Variants in FBXO47 observed in about 807,000 individuals in gnomAD.
FBXO47 encodes the protein F-box protein 47.
Under a neutral mutation model 53.9 loss-of-function variants are expected in FBXO47, and 34 were observed. The observed-to-expected ratio is 0.63, with a 90% CI of 0.48 to 0.84. The LOEUF (loss-of-function observed/expected upper bound fraction) is 0.84, where lower values mean the gene tolerates loss of function less well. FBXO47 is among the 40% of genes least tolerant of loss of function. The pLI is 0.00. For synonymous variants in FBXO47, 165 were observed against 181.6 expected, an observed-to-expected ratio of 0.91 and a Z score of 0.73; for missense variants, 485 against 541.3, an observed-to-expected ratio of 0.90 and a Z score of 1.03.
At chr17:38,947,107 C>CATATATATATAAACATATATATAAAT (rs1458414258) in intron 6 of FBXO47, among the ~76,000 whole-genome samples, 173 of 90,316 alleles carry the variant, frequency 1.9e-3, no homozygotes, top group African/African-American at 5.5e-3. Context: ...TATATATAAA[C>CATATATATATAAACATATATATAAAT]ATATATATAT....
In FBXO47 at chr17:38,962,901, C is replaced by T. The variant is rs771301473; in HGVS notation, c.125G>A (p.Gly42Glu). ...TTCCAATGGTAAGGCTTTAAAATTT[C>T]CAAATGTTGATATGGGTTGAAAGCC... ...GSGFQPISTF[G>E]NFKALPLEIF... Residue 42 changes from glycine to glutamate, a missense_variant, in exon 2 of 11, where the codon GGA becomes GAA. Coordinates refer to ENST00000378079, the MANE Select transcript of FBXO47 (RefSeq NM_001008777.3). The T allele has an allele frequency of 8.7e-6, 14 of 1,612,950 alleles. No homozygotes were observed. Among genetic ancestry groups the T allele is most frequent in the Middle Eastern group, 1.6e-4 (1 of 6,082 alleles).
chr17:38,954,754 GATT>G (rs1905466463), intron 5 of FBXO47, 99 bp downstream of exon 5: 2 of 601,540 alleles, frequency 3.3e-6, no homozygotes, highest in Non-Finnish European at 2.8e-6. Flanking sequence ...CTCTTTTTAA[GATT>G]ATTATAACTT....
chr17:38,945,935 C>CAAAAAAAAAAAAAA (rs34412322), intron 6 of FBXO47, among the ~76,000 whole-genome samples: 7 of 94,646 alleles, frequency 7.4e-5, no homozygotes, highest in African/African-American at 3.3e-4. Context: ...GACTCTGGCT[C>CAAAAAAAAAAAAAA]AAAAAAAAAA....
chr17:38,947,243 C>T (rs894624107), intron 6 of FBXO47, among the ~76,000 whole-genome samples: 1 of 151,108 alleles, frequency 6.6e-6, no homozygotes, highest in East Asian at 1.9e-4. Context: ...GAGGTGGCAG[C>T]GAGCTGAGAT....
At chr17:38,965,746 G>A (rs1261949433) in intron 1 of FBXO47, among the ~76,000 whole-genome samples, 1 of 139,426 alleles carries the variant, frequency 7.2e-6, no homozygotes, top group Admixed American at 7.1e-5. Flanking sequence ...AGCCGGGCAT[G>A]GTGGCACGCG....
chr17:38,952,614 T>G (rs1905351913), intron 5 of FBXO47, among the ~76,000 whole-genome samples: 1 of 151,928 alleles, frequency 6.6e-6, no homozygotes, highest in South Asian at 2.1e-4. Context: ...AAGGTTTAAA[T>G]GGTACTGAAT....
intron 5 of FBXO47, among the ~76,000 whole-genome samples, chr17:38,952,263 G>C (rs1184584315): frequency 6.6e-6 from 1 of 151,184 alleles, no homozygotes; most frequent in African/African-American, 2.4e-5. Context: ...TAGAGGCTGC[G>C]GTGAGCCAAG....
chr17:38,947,095 CATATATATAAACAT>C (rs772832724), intron 6 of FBXO47, among the ~76,000 whole-genome samples: 24,304 of 130,614 alleles, frequency 0.19, 2,692 homozygotes, highest in South Asian at 0.3. Flanking sequence ...TATATATAAA[CATATATATAAACAT>C]ATATATATAA....
Position 38,937,294 on chromosome 17 carries a change from T to C in FBXO47, c.1244-4A>G. 7.3e-7 allele frequency: 1 copy of C among 1,377,782 alleles called. No individual in the cohort carries two copies. Among genetic ancestry groups the C allele is most frequent in the Non-Finnish European group, 1.0e-6 (1 of 975,786 alleles). The allele number at this position is 1,377,782 out of a possible 1,614,324, so 85.3% of individuals were successfully genotyped here. A position where few individuals can be genotyped will look rare whatever the true frequency, so the allele number is the denominator to read the frequency against. ...CTGTCATCTTCATCACGGTCTCCTA[T>C]ATGCCATACATAGTGGGGAAAAGAA... On this transcript the variant is annotated splice_region_variant and splice_polypyrimidine_tract_variant and intron_variant, in intron 10 of 10. Coordinates refer to ENST00000378079, the MANE Select transcript of FBXO47 (RefSeq NM_001008777.3).
chr17:38,948,508 C>A (rs1383059638), intron 6 of FBXO47, among the ~76,000 whole-genome samples: 1 of 152,064 alleles, frequency 6.6e-6, no homozygotes, highest in Non-Finnish European at 1.5e-5. Flanking sequence ...AGCCACCACG[C>A]CCCGCCCCTA....
chr17:38,947,160 G>A (rs73301113), intron 6 of FBXO47, among the ~76,000 whole-genome samples: 4,101 of 146,532 alleles, frequency 0.028, 188 homozygotes, highest in African/African-American at 0.095. Flanking sequence ...GCCAGGCAGC[G>A]GCAGTGGCAC....
intron 8 of FBXO47, 42 bp from the exon 9 acceptor site, chr17:38,942,962 C>G: frequency 6.6e-7 from 1 of 1,518,442 alleles, no homozygotes; most frequent in East Asian, 2.3e-5. Context: ...AGAAATCACA[C>G]AACAGCTATA....
chr17:38,951,953 G>C (rs1460341675), intron 5 of FBXO47, among the ~76,000 whole-genome samples: 3 of 152,076 alleles, frequency 2.0e-5, no homozygotes, highest in African/African-American at 7.2e-5. Flanking sequence ...CTTGAACCTG[G>C]GAGGTGGAGG....
intron 1 of FBXO47, among the ~76,000 whole-genome samples, chr17:38,966,461 A>G (rs1906135897): frequency 2.0e-5 from 3 of 152,142 alleles, no homozygotes; most frequent in African/African-American, 7.2e-5. Flanking sequence ...CGGCCTCCCA[A>G]AGTGCTGGGA....
At chr17:38,959,164 A>C (rs1392772716) in intron 3 of FBXO47, among the ~76,000 whole-genome samples, 1 of 152,006 alleles carries the variant, frequency 6.6e-6, no homozygotes. Flanking sequence ...AAAAAAAAAC[A>C]ACCACAGGTG....
chr17:38,966,232 C>T (rs1906115456), intron 1 of FBXO47, among the ~76,000 whole-genome samples: 2 of 151,922 alleles, frequency 1.3e-5, no homozygotes, highest in Non-Finnish European at 1.5e-5. Flanking sequence ...GATGGAGTTT[C>T]GCACAGTCTC....
In FBXO47 at chr17:38,938,583, T is replaced by C. The variant is rs777678086; in HGVS notation, c.1233A>G (p.Ser411=). 6.2e-7 allele frequency: 1 copy of C among 1,611,290 alleles called. No individual in the cohort carries two copies. Among genetic ancestry groups the C allele is most frequent in the East Asian group, 2.2e-5 (1 of 44,806 alleles). ...TACATTCCTACTCACCAGACATAAT[T>C]GATTGCAGCATTTCCATTATAACAC... ...FACVIMEMLQ[S]IMSGDRDEDD... The change falls in exon 10 of 11, where the codon TCA becomes TCG. Residue 411 remains serine, a synonymous_variant. Coordinates refer to ENST00000378079, the MANE Select transcript of FBXO47 (RefSeq NM_001008777.3).
chr17:38,942,608 C>G (rs765773781), intron 9 of FBXO47, among the ~76,000 whole-genome samples, 170 bp downstream of exon 9: 95 of 151,956 alleles, frequency 6.3e-4, no homozygotes, highest in Non-Finnish European at 8.7e-4. Context: ...CAAAACAAAA[C>G]AAAAGAAAAC....
In FBXO47 at chr17:38,956,386, G is replaced by A. The variant is rs149544189; in HGVS notation, c.429+791C>T. Among the ~76,000 whole-genome samples the A allele has an allele frequency of 4.6e-3, 702 of 152,034 alleles. 33 individuals carry two copies. In the East Asian group the frequency reaches 0.096, roughly 21 times the overall value. ...GCAGATCACCTGAGGTCAGGAGTTC[G>A]AGACCAGACTGTTCAACAGGGCAAA... On this transcript the variant is annotated intron_variant, in intron 4 of 10. Transcript: ENST00000378079.
Sources: gnomAD v4.1 joint callset for allele counts (sites outside exome capture counted in the v4.1 genomes callset) on GRCh38, gnomAD v4.1.1 for gene constraint, MANE v1.5 for transcripts, NCBI Gene and HGNC (gene_info 2026-07-23, HGNC 2026-07-21) for gene names.